Variants in ERG observed in about 807,000 individuals in gnomAD.
ERG encodes the protein transcriptional regulator ERG.
In ERG, 9 loss-of-function variants were observed where a neutral mutation model predicts 55.3. The observed-to-expected ratio is 0.16, with a 90% confidence interval of 0.10 to 0.28. The LOEUF is 0.28. Ranked by LOEUF, ERG falls within the 10% of genes least tolerant of loss-of-function variation. The pLI, the probability that ERG is intolerant of heterozygous loss-of-function variation, is 1.00. For missense variants in ERG, 434 were observed against 631.6 expected, an observed-to-expected ratio of 0.69 and a Z score of 3.35; for synonymous variants, 223 against 237.3, an observed-to-expected ratio of 0.94 and a Z score of 0.55.
chr21:38,374,514 T>C, the ERG span, among the ~76,000 whole-genome samples: 1 of 152,222 alleles, frequency 6.6e-6, no homozygotes, highest in Non-Finnish European at 1.5e-5. Flanking sequence ...ACTCTCCACA[T>C]TCCTTTGTTA....
At chr21:38,544,517 A>G (rs1006181516) in intron 2 of ERG, among the ~76,000 whole-genome samples, 2 of 152,200 alleles carry the variant, frequency 1.3e-5, no homozygotes, top group African/African-American at 4.8e-5. Context: ...TGGGATCTGC[A>G]GAGAATACAT....
intron 9 of ERG, 87 bp from the exon 10 acceptor site, chr21:38,384,010 A>G: frequency 6.7e-7 from 1 of 1,501,142 alleles, no homozygotes. Flanking sequence ...AGGAGGTGCT[A>G]TTGGTGTGCC....
intron 1 of ERG, among the ~76,000 whole-genome samples, chr21:38,452,539 TA>T (rs2058951690): frequency 6.6e-6 from 1 of 152,234 alleles, no homozygotes; most frequent in African/African-American, 2.4e-5. Flanking sequence ...TTATCCTTAT[TA>T]TCTTTATTAA....
At chr21:38,589,008 G>A (rs922941089), upstream of ERG, among the ~76,000 whole-genome samples, 2 of 152,154 alleles carry the variant, frequency 1.3e-5, no homozygotes, top group Non-Finnish European at 2.9e-5. Flanking sequence ...TTGGATTAGA[G>A]GGGTGAGCTA....
chr21:38,647,529 A>G (rs921362912), intron 1 of ERG, among the ~76,000 whole-genome samples: 3 of 152,204 alleles, frequency 2.0e-5, no homozygotes, highest in African/African-American at 7.2e-5. Context: ...GTGAGGAGGG[A>G]CAATTAGGAA....
intron 1 of ERG, among the ~76,000 whole-genome samples, chr21:38,476,750 C>T (rs144448656): frequency 5.3e-5 from 8 of 152,232 alleles, no homozygotes; most frequent in East Asian, 3.9e-4. Flanking sequence ...TCCACGTAAA[C>T]GGCCTCTTTC....
chr21:38,617,703 G>A (rs1464889189), intron 1 of ERG, among the ~76,000 whole-genome samples: 1 of 152,110 alleles, frequency 6.6e-6, no homozygotes, highest in African/African-American at 2.4e-5. Flanking sequence ...CAAGTCACTG[G>A]AAAGGTTTCT....
intron 2 of ERG, among the ~76,000 whole-genome samples, chr21:38,431,877 C>G (rs892844128): frequency 1.3e-5 from 2 of 152,232 alleles, no homozygotes; most frequent in Non-Finnish European, 2.9e-5. Flanking sequence ...AGGACGCTCC[C>G]TGCACACAGT....
At chr21:38,635,298 T>C (rs9977881) in intron 1 of ERG, among the ~76,000 whole-genome samples, 26,079 of 152,102 alleles carry the variant, frequency 0.17, 2,312 homozygotes, top group East Asian at 0.3. Flanking sequence ...ACTGTAATAG[T>C]AGGCTCACAT....
intron 2 of ERG, among the ~76,000 whole-genome samples, chr21:38,442,877 G>A (rs1462409087): frequency 2.0e-5 from 3 of 151,956 alleles, no homozygotes; most frequent in African/African-American, 7.3e-5. Context: ...GCGCGATCTC[G>A]GCTCACTGCA....
At chr21:38,405,899 T>A (rs1457227808) in intron 3 of ERG, among the ~76,000 whole-genome samples, 3 of 152,098 alleles carry the variant, frequency 2.0e-5, no homozygotes, top group Non-Finnish European at 2.9e-5. Flanking sequence ...ACGCCTGTAA[T>A]CCCAGCACTT....
intron 2 of ERG, among the ~76,000 whole-genome samples, chr21:38,557,252 T>G (rs779833503): frequency 6.6e-6 from 1 of 152,248 alleles, no homozygotes; most frequent in Non-Finnish European, 1.5e-5. Context: ...AATTTGAGAC[T>G]TTCTCTATTT....
At chr21:38,528,223 C>G (rs1259205660) in intron 2 of ERG, among the ~76,000 whole-genome samples, 1 of 152,162 alleles carries the variant, frequency 6.6e-6, no homozygotes, top group Non-Finnish European at 1.5e-5. Context: ...GGGGCCCACC[C>G]TACTACATCT....
At chr21:38,396,286 T>G (rs1988207412) in intron 6 of ERG, among the ~76,000 whole-genome samples, 1 of 152,224 alleles carries the variant, frequency 6.6e-6, no homozygotes, top group Admixed American at 6.5e-5. Context: ...CATTTTGCAT[T>G]CCCTTCTTGC....
At position 38,392,453 on chromosome 21, in the gene ERG, A is replaced by G; in HGVS notation, c.746-9T>C. The G allele has an allele frequency of 6.8e-7, 1 of 1,481,368 alleles. No individual in the cohort carries two copies. The highest frequency in any genetic ancestry group is 1.4e-5 in the South Asian group (1 of 73,740). The allele number at this position is 1,481,368 out of a possible 1,614,324, so 91.8% of individuals were successfully genotyped here. A position where few individuals can be genotyped will look rare whatever the true frequency, so the allele number is the denominator to read the frequency against. On this transcript the variant is annotated splice_polypyrimidine_tract_variant and intron_variant, in intron 6 of 9. Coordinates refer to ENST00000288319, the MANE Select transcript of ERG (RefSeq NM_182918.4). ...GGGCTCATATGGTAAATCTGTAAAG[A>G]CAAATAAATTGACTAAAAGATCAAT... is the stretch of plus-strand genomic sequence containing the variant.
At chr21:38,391,179 C>T in intron 8 of ERG, 137 bp from the exon 9 acceptor site, 1 of 711,378 alleles carries the variant, frequency 1.4e-6, no homozygotes, top group Admixed American at 2.4e-5. Context: ...AATCAACTGC[C>T]TCCACCTCCT....
chr21:38,421,963 C>T (rs1989565124), intron 3 of ERG, among the ~76,000 whole-genome samples: 1 of 152,232 alleles, frequency 6.6e-6, no homozygotes. Flanking sequence ...AGCGATTCTC[C>T]TGCCTCAGCC....
chr21:38,575,246 T>C (rs2059987709), intron 2 of ERG, among the ~76,000 whole-genome samples: 1 of 152,204 alleles, frequency 6.6e-6, no homozygotes, highest in Non-Finnish European at 1.5e-5. Context: ...GATGGAATTA[T>C]AACAGGAGTT....
At chr21:38,485,816 C>T (rs2146661571) in intron 1 of ERG, among the ~76,000 whole-genome samples, 1 of 152,072 alleles carries the variant, frequency 6.6e-6, no homozygotes, top group African/African-American at 2.4e-5. Flanking sequence ...CTTTCACATT[C>T]ACTAACCACT....
Sources: gnomAD v4.1 joint callset for allele counts (sites outside exome capture counted in the v4.1 genomes callset) on GRCh38, gnomAD v4.1.1 for gene constraint, MANE v1.5 for transcripts, NCBI Gene and HGNC (gene_info 2026-07-23, HGNC 2026-07-21) for gene names.